The following AVL9 variants were observed in gnomAD, a reference collection of about 807,000 sequenced individuals.
AVL9 encodes the protein AVL9 cell migration associated.
A neutral mutation model predicts 79.2 loss-of-function variants in AVL9; 49 were observed. That is an observed-to-expected ratio of 0.62 (90% confidence interval 0.49 to 0.79). The LOEUF (loss-of-function observed/expected upper bound fraction) is 0.79, where lower values mean the gene tolerates loss of function less well. Ranked by LOEUF, AVL9 falls within the 30% of genes least tolerant of loss-of-function variation. AVL9 has a pLI of 0.00. For synonymous variants in AVL9, 299 were observed against 280.6 expected (o/e 1.07, Z -0.65); for missense variants, 682 against 776.8 (o/e 0.88, Z 1.45).
At chr7:32,545,927 C>T (rs1275731670) in intron 3 of AVL9, among the ~76,000 whole-genome samples, 1 of 152,084 alleles carries the variant, frequency 6.6e-6, no homozygotes, top group Non-Finnish European at 1.5e-5. Context: ...TGGGTCTGCC[C>T]CCGCCCCAAA....
intron 1 of AVL9, among the ~76,000 whole-genome samples, chr7:32,525,581 T>A (rs1161255053): frequency 6.6e-6 from 1 of 152,210 alleles, no homozygotes; most frequent in East Asian, 1.9e-4. Flanking sequence ...CACCCCTAAC[T>A]TTTGTTTTTT....
chr7:32,520,456 G>A (rs1370327772), intron 1 of AVL9, among the ~76,000 whole-genome samples: 2 of 152,108 alleles, frequency 1.3e-5, no homozygotes, highest in African/African-American at 2.4e-5. Context: ...AAAGGCATAG[G>A]AGGTTATTCC....
intron 1 of AVL9, among the ~76,000 whole-genome samples, chr7:32,496,541 A>G (rs1387298913): frequency 1.3e-5 from 2 of 152,222 alleles, no homozygotes; most frequent in Non-Finnish European, 2.9e-5. Context: ...AATATTTGCA[A>G]TCTATGTATT....
At chr7:32,548,979 A>G (rs1789667804) in intron 4 of AVL9, 61 bp downstream of exon 4, 1 of 1,069,390 alleles carries the variant, frequency 9.4e-7, no homozygotes, top group African/African-American at 1.6e-5. Flanking sequence ...TTCTTTAAGG[A>G]TAAGGCACTA....
At chr7:32,523,449 A>C (rs1422489124) in intron 1 of AVL9, among the ~76,000 whole-genome samples, 2 of 151,162 alleles carry the variant, frequency 1.3e-5, no homozygotes, top group Admixed American at 1.3e-4. Flanking sequence ...GTCTGGGGGT[A>C]GAAAAGTTCC....
At chr7:32,498,266 C>T (rs953131936) in intron 1 of AVL9, among the ~76,000 whole-genome samples, 7 of 88,892 alleles carry the variant, frequency 7.9e-5, no homozygotes, top group African/African-American at 2.6e-4. Flanking sequence ...TTTTTTGAGA[C>T]GGAGTCTTGT....
intron 1 of AVL9, among the ~76,000 whole-genome samples, chr7:32,520,604 C>T (rs542735516): frequency 1.2e-4 from 18 of 152,282 alleles, no homozygotes; most frequent in East Asian, 3.9e-4. Flanking sequence ...GCAGTTGATA[C>T]GCTTCTTATG....
chr7:32,502,077 G>T (rs1787150904), intron 1 of AVL9, among the ~76,000 whole-genome samples: 1 of 147,218 alleles, frequency 6.8e-6, no homozygotes, highest in South Asian at 2.2e-4. Flanking sequence ...AAAAAAATAT[G>T]TACTGGCCAG....
At chr7:32,579,597 A>ATATAT (rs1562802646) in intron 13 of AVL9, among the ~76,000 whole-genome samples, 1 of 17,518 alleles carries the variant, frequency 5.7e-5, no homozygotes, top group Admixed American at 1.5e-3. Flanking sequence ...ATTATATATT[A>ATATAT]TATATTATAT....
chr7:32,583,486 CAAGTGTTT>C (rs1174242382), intron 15 of AVL9, among the ~76,000 whole-genome samples: 2 of 152,086 alleles, frequency 1.3e-5, no homozygotes, highest in Admixed American at 1.3e-4. Context: ...TCAGTTGAGC[CAAGTGTTT>C]AAGACCAGAC....
rs963547748 is a variant in AVL9 at position 32,585,652 on chromosome 7, T to C, written c.*1745T>C. Reference sequence around the variant, plus strand: ...GCTCCCAAGGCATTTGAAATGAACATAGAAACATAATCTAAATGTCTCTAA... The same window carrying C: ...GCTCCCAAGGCATTTGAAATGAACACAGAAACATAATCTAAATGTCTCTAA... On this transcript the variant is annotated 3_prime_UTR_variant, in exon 16 of 16. Transcript: ENST00000318709. 1.3e-5 allele frequency: 2 copies of C among 152,222 alleles called. No individual in the cohort carries two copies. Among genetic ancestry groups the C allele is most frequent in the African/African-American group, 4.8e-5 (2 of 41,474 alleles). 9.4% of individuals were successfully genotyped at this position (152,222 alleles called of 1,614,324 possible).
At chr7:32,567,906 G>A (rs1790653828) in intron 10 of AVL9, among the ~76,000 whole-genome samples, 1 of 151,730 alleles carries the variant, frequency 6.6e-6, no homozygotes, top group South Asian at 2.1e-4. Context: ...TTTTAGTAGA[G>A]ACAGGGTTTC....
intron 10 of AVL9, among the ~76,000 whole-genome samples, chr7:32,569,365 T>C (rs980606801): frequency 3.2e-4 from 46 of 143,594 alleles, no homozygotes; most frequent in African/African-American, 1.2e-3. Flanking sequence ...GGAAGTATGC[T>C]GGATTTTTTC....
chr7:32,541,635 G>A (rs1789212298), intron 1 of AVL9, among the ~76,000 whole-genome samples: 1 of 151,912 alleles, frequency 6.6e-6, no homozygotes, highest in African/African-American at 2.4e-5. Context: ...AAAGCAAACT[G>A]GGATGAAACC....
At chr7:32,501,462 CTTTT>C (rs1262083706) in intron 1 of AVL9, among the ~76,000 whole-genome samples, 2 of 152,166 alleles carry the variant, frequency 1.3e-5, no homozygotes, top group Non-Finnish European at 2.9e-5. Flanking sequence ...CTTCACTGCA[CTTTT>C]ATTTCTTCAA....
At position 32,541,716 on chromosome 7, in the gene AVL9, A is replaced by ATT. The variant is rs71559233; in HGVS notation, c.94-1411_94-1410dup. The stretch of plus-strand genomic sequence containing the variant: ...GTTATTTATGCCTCACCTTCAGTTA[A>ATT]TTTTTTTTTTTTTTTGAGACAGAGT... On this transcript the variant is annotated intron_variant, in intron 1 of 15. Coordinates refer to ENST00000318709, the MANE Select transcript of AVL9 (RefSeq NM_015060.3). Among the ~76,000 whole-genome samples, 187 of 145,024 alleles carry ATT rather than the reference A, an allele frequency of 1.3e-3. 3 individuals carry two copies. Among genetic ancestry groups the ATT allele is most frequent in the South Asian group, 5.3e-3 (24 of 4,556 alleles).
intron 1 of AVL9, among the ~76,000 whole-genome samples, chr7:32,496,077 T>A (rs1413236047): frequency 6.6e-6 from 1 of 152,152 alleles, no homozygotes; most frequent in Admixed American, 6.5e-5. Flanking sequence ...ACTTCTGCTT[T>A]GGTGGAGTGG....
Position 32,544,697 on chromosome 7 carries a change from CTG to C in AVL9, c.222_223del (p.Phe76SerfsTer22). ...CATTTTTCTATGTATCTCTTAGATA[CTG>C]TGTTTTTTCACTTGCCACCCAGAAA... On this transcript the variant is annotated frameshift_variant, in exon 3 of 16. Transcript: ENST00000318709. LOFTEE classifies it high-confidence loss of function. 1 of 1,611,034 alleles carries C rather than the reference CTG, an allele frequency of 6.2e-7. No individual in the cohort carries two copies. The highest frequency in any genetic ancestry group is 8.5e-7 in the Non-Finnish European group (1 of 1,177,546).
chr7:32,548,144 C>CTCTT (rs1227025763), intron 3 of AVL9, among the ~76,000 whole-genome samples: 8 of 57,594 alleles, frequency 1.4e-4, no homozygotes, highest in African/African-American at 4.3e-4. Flanking sequence ...TTTGTCATCT[C>CTCTT]TTTTTTCTTT....
Sources: allele counts gnomAD v4.1 joint callset (sites outside exome capture counted in the v4.1 genomes callset), GRCh38; gene constraint gnomAD v4.1.1; transcripts MANE v1.5; gene names NCBI Gene and HGNC (gene_info 2026-07-23, HGNC 2026-07-21).